PCDH9: variants seen among roughly 807,000 people sequenced by gnomAD.
PCDH9 encodes the protein protocadherin-9.
In PCDH9, 24 loss-of-function variants were observed where a neutral mutation model predicts 70.6. The observed-to-expected ratio is 0.34, with a 90% CI of 0.25 to 0.48. The LOEUF is 0.48. Among genes scored for constraint, PCDH9 ranks in the 20% least tolerant of loss-of-function variants. The pLI is 0.99. For missense variants in PCDH9, 1,281 were observed against 1,503.6 expected (o/e 0.85, Z 2.45); for synonymous variants, 562 against 558.5 (o/e 1.01, Z -0.09).
rs139799547 is a variant in PCDH9 at position 66,338,195 on chromosome 13, T to C, written c.3341-33167A>G. Among the ~76,000 whole-genome samples the C allele has an allele frequency of 1.3e-3, 201 of 152,156 alleles. 2 individuals carry two copies. Among genetic ancestry groups the C allele is most frequent in the East Asian group, 6.9e-3 (36 of 5,188 alleles). On this transcript the variant is annotated intron_variant, in intron 4 of 4. Coordinates refer to ENST00000377865, the MANE Select transcript of PCDH9 (RefSeq NM_203487.3). ...ATAGCACACAGTAGTACACAGAACATAGGTGTCCAATTAACACATTCCCGC... is the reference window on the plus strand; with the variant it reads ...ATAGCACACAGTAGTACACAGAACACAGGTGTCCAATTAACACATTCCCGC...
intron 2 of PCDH9, among the ~76,000 whole-genome samples, chr13:67,127,447 A>C (rs2087004465): frequency 6.6e-6 from 1 of 152,170 alleles, no homozygotes; most frequent in Non-Finnish European, 1.5e-5. Flanking sequence ...ATACATCTCT[A>C]TGAGATGAAG....
At chr13:66,371,423 C>G (rs1409378318) in intron 4 of PCDH9, among the ~76,000 whole-genome samples, 3 of 151,922 alleles carry the variant, frequency 2.0e-5, no homozygotes, top group Non-Finnish European at 2.9e-5. Flanking sequence ...TCTGTATACT[C>G]TGCCTGTATA....
intron 3 of PCDH9, among the ~76,000 whole-genome samples, chr13:66,635,756 T>A (rs571664649): frequency 3.6e-4 from 55 of 152,246 alleles, no homozygotes; most frequent in African/African-American, 1.3e-3. Context: ...CATTCACAAG[T>A]GAATGACTCA....
intron 2 of PCDH9, among the ~76,000 whole-genome samples, chr13:67,150,623 T>G (rs913592141): frequency 6.6e-6 from 1 of 152,192 alleles, no homozygotes; most frequent in Non-Finnish European, 1.5e-5. Flanking sequence ...ACACAATACA[T>G]CCAAAACATG....
In PCDH9 at chr13:67,228,380, C is replaced by A. The variant is rs868294906; in HGVS notation, c.61G>T (p.Ala21Ser). ...GTGTAAATAAGTTCTTGAGCTATTG[C>A]GGAATCCAGCCTTAAACAGGCAATC... ...ALIACLRLDSAIAQELIYTIR... is the reference protein window; with the variant it reads ...ALIACLRLDSSIAQELIYTIR... The change falls in exon 2 of 5, where the codon GCA becomes TCA. Residue 21 changes from alanine to serine, a missense_variant. Around this residue, in one of 4 missense-constraint regions of PCDH9, gnomAD observed 798 missense variants for 1,003.1 expected, o/e 0.80. Coordinates refer to ENST00000377865, the MANE Select transcript of PCDH9 (RefSeq NM_203487.3). 7 of 1,611,882 alleles carry A rather than the reference C, an allele frequency of 4.3e-6. No individual in the cohort carries two copies. Among genetic ancestry groups the A allele is most frequent in the South Asian group, 1.1e-5 (1 of 90,556 alleles).
chr13:66,594,288 C>G (rs913270744), intron 4 of PCDH9, among the ~76,000 whole-genome samples: 9 of 151,590 alleles, frequency 5.9e-5, no homozygotes, highest in Non-Finnish European at 8.8e-5. Context: ...AAGAAAACCT[C>G]CAGCCATGGC....
chr13:66,363,007 C>T (rs1245685345), intron 4 of PCDH9, among the ~76,000 whole-genome samples: 1 of 152,074 alleles, frequency 6.6e-6, no homozygotes, highest in Admixed American at 6.6e-5. Context: ...ATGGAGAAAC[C>T]TTGTCTCTAC....
intron 3 of PCDH9, among the ~76,000 whole-genome samples, chr13:66,899,107 T>C (rs2082234099): frequency 6.6e-6 from 1 of 152,078 alleles, no homozygotes; most frequent in African/African-American, 2.4e-5. Flanking sequence ...TTCTATCACA[T>C]GACTCAATTG....
chr13:66,878,025 A>G (rs1468741343), intron 3 of PCDH9, among the ~76,000 whole-genome samples: 2 of 152,128 alleles, frequency 1.3e-5, no homozygotes, highest in Non-Finnish European at 2.9e-5. Context: ...ACCAGTCTTC[A>G]ATCTAAGAGA....
At chr13:66,827,631 C>A (rs367624447) in intron 3 of PCDH9, among the ~76,000 whole-genome samples, 5 of 152,092 alleles carry the variant, frequency 3.3e-5, no homozygotes, top group African/African-American at 1.2e-4. Flanking sequence ...AAGAAGAAAG[C>A]CTTCCAAACA....
At chr13:66,716,876 G>A (rs1225447673) in intron 3 of PCDH9, among the ~76,000 whole-genome samples, 1 of 152,050 alleles carries the variant, frequency 6.6e-6, no homozygotes, top group Non-Finnish European at 1.5e-5. Context: ...TGTCCACATG[G>A]TAATATATTT....
chr13:67,039,821 G>A (rs2085077691), intron 2 of PCDH9, among the ~76,000 whole-genome samples: 1 of 152,084 alleles, frequency 6.6e-6, no homozygotes, highest in African/African-American at 2.4e-5. Flanking sequence ...AAAAGTGTGG[G>A]TACCCTAGGC....
chr13:66,855,498 A>G (rs2081380597), intron 3 of PCDH9, among the ~76,000 whole-genome samples: 1 of 151,946 alleles, frequency 6.6e-6, no homozygotes, highest in African/African-American at 2.4e-5. Context: ...GCCTTCATTC[A>G]TTTTCTGATT....
intron 3 of PCDH9, among the ~76,000 whole-genome samples, chr13:66,720,218 T>A (rs2078923329): frequency 6.6e-6 from 1 of 152,120 alleles, no homozygotes. Context: ...AGTGGTGCTA[T>A]TTCGGCTCAC....
rs567408801 is a variant in PCDH9 at position 67,051,382 on chromosome 13, A to ATTTTTTTTTTTTTTT, written c.3037-147792_3037-147778dup. ...CGAAATACCAGGAAAACAATACAAG[A>ATTTTTTTTTTTTTTT]TTTTTTTTTTTTTTTTTTTTTTTTT... On this transcript the variant is annotated intron_variant, in intron 2 of 4. Transcript: ENST00000377865. 3.1e-4 allele frequency among the ~76,000 whole-genome samples: 22 copies of ATTTTTTTTTTTTTTT among 71,008 alleles called. 2 individuals are homozygous for ATTTTTTTTTTTTTTT. The highest frequency in any genetic ancestry group is 4.4e-4 in the African/African-American group (7 of 15,792). The allele number at this position is 71,008 out of a possible 152,430, so 46.6% of individuals were successfully genotyped here. A position where few individuals can be genotyped will look rare whatever the true frequency, so the allele number is the denominator to read the frequency against.
rs535859929 is a variant in PCDH9 at position 66,848,839 on chromosome 13, A to C, written c.3138+54665T>G. Among the ~76,000 whole-genome samples, 30 of 151,028 alleles carry C rather than the reference A, an allele frequency of 2.0e-4. No individual in the cohort carries two copies. The South Asian group carries it at 6.1e-3, about 31-fold the overall frequency. ...GCTACACGGGAGGCTGAGGCAGGAG[A>C]ATGGCGTGAACCCCGGAGGCGGAGC... On this transcript the variant is annotated intron_variant, in intron 3 of 4. Transcript: ENST00000377865.
intron 2 of PCDH9, among the ~76,000 whole-genome samples, chr13:67,185,040 T>C (rs2088716439): frequency 6.6e-6 from 1 of 152,150 alleles, no homozygotes. Context: ...GTAACTCCTA[T>C]ACCTAGCAAT....
At chr13:66,708,089 G>T (rs377509242) in intron 3 of PCDH9, among the ~76,000 whole-genome samples, 2 of 150,612 alleles carry the variant, frequency 1.3e-5, no homozygotes, top group Non-Finnish European at 3.0e-5. Context: ...TCGCTCTGTC[G>T]CCCAGGCTGG....
intron 2 of PCDH9, among the ~76,000 whole-genome samples, chr13:66,982,290 A>C (rs1204010898): frequency 1.3e-5 from 2 of 152,176 alleles, no homozygotes; most frequent in Non-Finnish European, 2.9e-5. Flanking sequence ...TTTTCTTTAT[A>C]AATTACCCAG....
Sources: gnomAD v4.1 joint callset for allele counts (sites outside exome capture counted in the v4.1 genomes callset) on GRCh38, gnomAD v4.1.1 for gene constraint, gnomAD v4.1.1 regional missense constraint, MANE v1.5 for transcripts, NCBI Gene and HGNC (gene_info 2026-07-23, HGNC 2026-07-21) for gene names.